AP1B1: variants seen among roughly 807,000 people sequenced by gnomAD.
AP1B1 encodes the protein adaptor related protein complex 1 subunit beta 1.
Under a neutral mutation model 104.3 loss-of-function variants are expected in AP1B1, and 36 were observed. The observed-to-expected ratio is 0.35, with a 90% confidence interval of 0.26 to 0.46. The LOEUF (loss-of-function observed/expected upper bound fraction) is 0.46. Ranked by LOEUF, AP1B1 falls within the 20% of genes least tolerant of loss-of-function variation. The pLI, the probability that AP1B1 is intolerant of heterozygous loss-of-function variation, is 1.00. For synonymous variants in AP1B1, 504 were observed against 517.5 expected (o/e 0.97, Z 0.35); for missense variants, 901 against 1,247.9 (o/e 0.72, Z 4.19).
intron 14 of AP1B1, 41 bp downstream of exon 14, chr22:29,340,615 G>C: frequency 6.7e-7 from 1 of 1,493,766 alleles, no homozygotes; most frequent in Non-Finnish European, 9.0e-7. Flanking sequence ...GCTCCTCTGA[G>C]GATCATTATC....
intron 5 of AP1B1, among the ~76,000 whole-genome samples, 166 bp downstream of exon 5, chr22:29,358,560 C>T (rs1164478486): frequency 6.6e-6 from 1 of 152,196 alleles, no homozygotes; most frequent in African/African-American, 2.4e-5. Context: ...GTCTAGCTCC[C>T]TCCAGAGAGG....
intron 1 of AP1B1, among the ~76,000 whole-genome samples, chr22:29,380,936 A>G (rs2062427150): frequency 6.6e-6 from 1 of 152,156 alleles, no homozygotes; most frequent in African/African-American, 2.4e-5. Flanking sequence ...CAGGTCCTAT[A>G]AGAGATGCAT....
At chr22:29,354,565 G>C (rs562546790) in intron 7 of AP1B1, 85 bp downstream of exon 7, 3 of 1,302,236 alleles carry the variant, frequency 2.3e-6, no homozygotes, top group African/African-American at 1.5e-5. Context: ...ATGGTGACAG[G>C]TCAGTTTCCT....
At chr22:29,367,139 A>G in intron 2 of AP1B1, 68 bp downstream of exon 2, 1 of 1,477,430 alleles carries the variant, frequency 6.8e-7, no homozygotes, top group Non-Finnish European at 9.5e-7. Context: ...CCCTACCGCC[A>G]TAGGAGGAAA....
chr22:29,380,977 G>A (rs1219096567), intron 1 of AP1B1, among the ~76,000 whole-genome samples: 1 of 152,174 alleles, frequency 6.6e-6, no homozygotes, highest in Non-Finnish European at 1.5e-5. Context: ...GCACCCTGCT[G>A]GCCATTACCC....
chr22:29,370,247 G>A (rs948104972), intron 1 of AP1B1, among the ~76,000 whole-genome samples: 1 of 152,006 alleles, frequency 6.6e-6, no homozygotes, highest in African/African-American at 2.4e-5. Flanking sequence ...GAGCTCAGGA[G>A]TTTGAGACCA....
At chr22:29,331,759 TGG>T in intron 18 of AP1B1, 26 bp downstream of exon 18, 3 of 1,614,136 alleles carry the variant, frequency 1.9e-6, no homozygotes, top group Non-Finnish European at 2.5e-6. Flanking sequence ...GAGTAAGGAC[TGG>T]GGTGCCTGCC....
Position 29,338,913 on chromosome 22 carries a change from G to A in AP1B1, c.2163+77C>T, listed in dbSNP as rs552624835. 15 of 1,580,294 alleles carry A rather than the reference G, an allele frequency of 9.5e-6. No individual in the cohort carries two copies. The African/African-American group carries it at 1.9e-4, about 20-fold the overall frequency. Reference sequence around the variant, plus strand: ...TGGCCTGAGCCAATTCCACAGCCGAGGCCATTTAAAGGAGCCCACATGCCA... The same window carrying A: ...TGGCCTGAGCCAATTCCACAGCCGAAGCCATTTAAAGGAGCCCACATGCCA... On this transcript the variant is annotated intron_variant, in intron 16 of 22. Coordinates refer to ENST00000357586, the MANE Select transcript of AP1B1 (RefSeq NM_001127.4).
intron 22 of AP1B1, 170 bp downstream of exon 22, chr22:29,329,542 T>C (rs750433944): frequency 1.4e-6 from 2 of 1,471,786 alleles, no homozygotes; most frequent in East Asian, 2.4e-5. Flanking sequence ...ACACTGTGAA[T>C]GTGTGGAAGT....
At chr22:29,335,222 C>T (rs1000132468) in intron 16 of AP1B1, among the ~76,000 whole-genome samples, 1 of 152,162 alleles carries the variant, frequency 6.6e-6, no homozygotes, top group Non-Finnish European at 1.5e-5. Context: ...AGACATCCAC[C>T]AGCGGCATCC....
rs2061879538 is a variant in AP1B1, at chr22:29,351,803, T to C, written c.961A>G (p.Met321Val). 6 of 1,614,208 alleles carry C rather than the reference T, an allele frequency of 3.7e-6. No homozygotes were observed. Among genetic ancestry groups the C allele is most frequent in the Non-Finnish European group, 4.2e-6 (5 of 1,180,028 alleles). ...TTGTACTTCACGAAGAACACCTTCA[T>C]CTCATGCTTCAGGATCTCAGGCCTG... Reference protein sequence around the residue: ...QKRPEILKHEMKVFFVKYNDP... With the variant: ...QKRPEILKHEVKVFFVKYNDP... The change falls in exon 8 of 23, where the codon ATG (methionine) becomes GTG (valine). Residue 321 changes from methionine to valine, a missense_variant. Coordinates refer to ENST00000357586, the MANE Select transcript of AP1B1 (RefSeq NM_001127.4).
chr22:29,352,807 A>G (rs565935304), intron 7 of AP1B1, among the ~76,000 whole-genome samples: 1 of 152,274 alleles, frequency 6.6e-6, no homozygotes, highest in East Asian at 1.9e-4. Flanking sequence ...TCCTGTGAGT[A>G]CTGCTAGTGA....
intron 1 of AP1B1, among the ~76,000 whole-genome samples, chr22:29,382,750 T>C (rs2062457527): frequency 6.6e-6 from 1 of 152,114 alleles, no homozygotes; most frequent in Admixed American, 6.5e-5. Flanking sequence ...AAGGTGAGTA[T>C]GTGCCTGGCA....
intron 3 of AP1B1, among the ~76,000 whole-genome samples, chr22:29,361,800 GT>G (rs930394604): frequency 3.6e-4 from 52 of 144,456 alleles, no homozygotes; most frequent in Middle Eastern, 3.6e-3. Flanking sequence ...GACCTTGAAT[GT>G]TTTTTTTTTT....
chr22:29,354,687 C>CA lies in AP1B1; in HGVS notation c.900dup (p.Val301CysfsTer15). ...ATGAGATTGATGTTGCGCAGGGCCA[C>CA]ATACTGCAGCTCTGGCTCGGCTGAC... On this transcript the variant is annotated frameshift_variant, in exon 7 of 23. Coordinates refer to ENST00000357586, the MANE Select transcript of AP1B1 (RefSeq NM_001127.4). LOFTEE classifies it high-confidence loss of function. 6.2e-7 allele frequency: 1 copy of CA among 1,614,082 alleles called. No individual in the cohort carries two copies.
chr22:29,378,861 A>C (rs1239908727), intron 1 of AP1B1, among the ~76,000 whole-genome samples: 5 of 6,646 alleles, frequency 7.5e-4, no homozygotes, highest in Non-Finnish European at 1.5e-3. Flanking sequence ...TCCGTCCCAC[A>C]AAAAAAAAAA....
chr22:29,339,720 A>G lies in AP1B1; in HGVS notation c.2019+34T>C, dbSNP rs747426855. 7 of 1,607,904 alleles carry G rather than the reference A, an allele frequency of 4.4e-6. No homozygotes were observed. In the Admixed American group the frequency reaches 1.0e-4, roughly 23 times the overall value. On this transcript the variant is annotated intron_variant, in intron 15 of 22. Coordinates refer to ENST00000357586, the MANE Select transcript of AP1B1 (RefSeq NM_001127.4). ...GCCAGCGCTTTCGGGAGGAGCAAGG[A>G]CGAAGGCTTGGTGACGCAAGGGTTG...
At chr22:29,382,107 A>C in intron 1 of AP1B1, among the ~76,000 whole-genome samples, 1 of 152,078 alleles carries the variant, frequency 6.6e-6, no homozygotes, top group East Asian at 1.9e-4. Flanking sequence ...CCCAGGCTAG[A>C]GTGCAGGGGT....
chr22:29,329,601 GA>G (rs923033031), intron 22 of AP1B1, 110 bp downstream of exon 22: 13 of 1,560,856 alleles, frequency 8.3e-6, no homozygotes, highest in Non-Finnish European at 1.1e-5. Flanking sequence ...CCCCCCGGGT[GA>G]GGTGAGGCCA....
Sources: gnomAD v4.1 joint callset for allele counts (sites outside exome capture counted in the v4.1 genomes callset) on GRCh38, gnomAD v4.1.1 for gene constraint, MANE v1.5 for transcripts, NCBI Gene and HGNC (gene_info 2026-07-23, HGNC 2026-07-21) for gene names.